The following RAD54L variants were observed in gnomAD, a reference collection of about 807,000 sequenced individuals.
The protein encoded by RAD54L is DNA repair and recombination protein RAD54-like.
RAD54L carries 74 observed loss-of-function variants against 91.6 expected under a neutral mutation model. That is an observed-to-expected ratio of 0.81 (90% confidence interval 0.67 to 0.98). The LOEUF is 0.98. RAD54L is among the 50% of genes least tolerant of loss of function. The probability of loss-of-function intolerance (pLI) is 0.00; values close to 1 mark genes in which losing one functional copy is unlikely to be tolerated. For synonymous variants in RAD54L, 304 were observed against 349.7 expected, an observed-to-expected ratio of 0.87 and a Z score of 1.46; for missense variants, 887 against 945.7, an observed-to-expected ratio of 0.94 and a Z score of 0.81.
Position 46,273,458 on chromosome 1 carries a change from G to T in RAD54L, c.1479G>T (p.Gln493His). 11 of 1,613,508 alleles carry T rather than the reference G, an allele frequency of 6.8e-6. No homozygotes were observed. The highest frequency in any genetic ancestry group is 9.3e-6 in the Non-Finnish European group (11 of 1,179,572). ...ACAGCTCTAAGGCCCTGGAGCCCCA[G>T]CTGTCAGGTGACCCTTTTCCTACCA... is the stretch of plus-strand genomic sequence containing the variant. ...PGYSSKALEP[Q>H]LSGKMLVLDY... The change falls in exon 13 of 18, where the codon CAG becomes CAT. Residue 493 changes from glutamine (Q) to histidine (H), a missense_variant. Transcript: ENST00000371975.
intron 2 of RAD54L, among the ~76,000 whole-genome samples, chr1:46,248,933 G>A (rs1453593753): frequency 6.6e-6 from 1 of 152,164 alleles, no homozygotes; most frequent in Non-Finnish European, 1.5e-5. Flanking sequence ...CCCCTGCCCA[G>A]TGTCACAGAA....
intron 4 of RAD54L, among the ~76,000 whole-genome samples, chr1:46,259,485 T>C (rs1051536842): frequency 6.6e-6 from 1 of 151,962 alleles, no homozygotes; most frequent in Non-Finnish European, 1.5e-5. Context: ...GCAGAAAAAT[T>C]CTGGGGGCTG....
chr1:46,267,499 C>T lies in RAD54L; in HGVS notation c.932C>T (p.Ala311Val), dbSNP rs1187117041. 1 of 1,614,106 alleles carries T rather than the reference C, an allele frequency of 6.2e-7. No homozygotes were observed. The highest frequency in any genetic ancestry group is 1.1e-5 in the South Asian group (1 of 91,082). Residue 311 changes from alanine (A) to valine (V), a missense_variant, in exon 9 of 18, where the codon GCC becomes GTC. By Grantham distance (64) the Ala-to-Val change is moderately conservative (BLOSUM62 0). Transcript: ENST00000371975. ...AACTCTGAGAATCAGACTTACCAAGCCCTGGACAGCTTGAACACCAGCCGG... is the reference window on the plus strand; with the variant it reads ...AACTCTGAGAATCAGACTTACCAAGTCCTGGACAGCTTGAACACCAGCCGG... ...LKNSENQTYQ[A>V]LDSLNTSRRV...
chr1:46,275,663 G>C (rs1660572905), intron 16 of RAD54L, among the ~76,000 whole-genome samples: 3 of 152,070 alleles, frequency 2.0e-5, no homozygotes, highest in Admixed American at 6.5e-5. Context: ...ACCATTTCAA[G>C]CATCTACCAT....
chr1:46,251,313 C>A (rs941917434), intron 3 of RAD54L, among the ~76,000 whole-genome samples: 2 of 151,894 alleles, frequency 1.3e-5, no homozygotes, highest in Admixed American at 6.6e-5. Context: ...AATCCGTCCC[C>A]AAAACAACAA....
At chr1:46,261,694 A>T (rs1475971351) in intron 8 of RAD54L, among the ~76,000 whole-genome samples, 4 of 152,210 alleles carry the variant, frequency 2.6e-5, no homozygotes, top group Admixed American at 1.3e-4. Context: ...TAGAGGATAT[A>T]AATCAGAAAG....
chr1:46,277,270 T>C (rs1329536235), intron 16 of RAD54L, among the ~76,000 whole-genome samples: 1 of 152,210 alleles, frequency 6.6e-6, no homozygotes, highest in Non-Finnish European at 1.5e-5. Flanking sequence ...ATCTACTCAT[T>C]TTCAAGATTG....
intron 16 of RAD54L, among the ~76,000 whole-genome samples, chr1:46,275,229 T>C (rs1339311720): frequency 6.6e-6 from 1 of 152,236 alleles, no homozygotes; most frequent in African/African-American, 2.4e-5. Context: ...CTGGCTGACG[T>C]TGAGGACCAT....
chr1:46,261,001 T>G lies in RAD54L; in HGVS notation c.752T>G (p.Ile251Arg), dbSNP rs1416960892. Residue 251 changes from isoleucine to arginine, a missense_variant, in exon 7 of 18, where the codon ATA becomes AGA. Coordinates refer to ENST00000371975, the MANE Select transcript of RAD54L (RefSeq NM_003579.4). ...LAIDGGSKDE[I>R]DQKLEGFMNQ... is the part of the protein sequence containing the mutation. The stretch of plus-strand genomic sequence containing the variant: ...ATCGATGGAGGATCTAAGGATGAAA[T>G]AGACCAAAAGCTGGGTACGGAGCCC... 1 of 1,613,392 alleles carries G rather than the reference T, an allele frequency of 6.2e-7. No individual in the cohort carries two copies. The highest frequency in any genetic ancestry group is 1.3e-5 in the African/African-American group (1 of 74,840).
intron 16 of RAD54L, among the ~76,000 whole-genome samples, chr1:46,276,448 A>G (rs1406585177): frequency 6.6e-6 from 1 of 152,176 alleles, no homozygotes; most frequent in Admixed American, 6.5e-5. Context: ...GGCATGAGCC[A>G]CCACACCTGG....
At position 46,265,955 on chromosome 1, in the gene RAD54L, G is replaced by A. The variant is rs1387771214; in HGVS notation, c.892-1504G>A. Among the ~76,000 whole-genome samples the A allele has an allele frequency of 3.3e-5, 5 of 152,134 alleles. No individual in the cohort carries two copies. Among genetic ancestry groups the A allele is most frequent in the Admixed American group, 6.6e-5 (1 of 15,262 alleles). ...CGTGTGGATTACAGAACAGAATACA[G>A]GTAAAGTGTTTAGTTAGTACCATGC... On this transcript the variant is annotated intron_variant, in intron 8 of 17. Transcript: ENST00000371975. This position sits in a 1 kb window ranked among gnomAD's most constrained non-coding sequence, Gnocchi z 4.8.
rs774717984 is a variant in RAD54L at position 46,270,707 on chromosome 1, G to A, written c.1091G>A (p.Gly364Asp). ...CATTTTGAATTGCCAATTTTGAAGG[G>A]TCGAGACGCTGCTGCTAGTGAGGCA... ...KKHFELPILK[G>D]RDAAASEADR... Residue 364 changes from glycine (G) to aspartate (D), a missense_variant, in exon 10 of 18, where the codon GGT (glycine) becomes GAT (aspartate). Gly to Asp is a moderately conservative substitution (Grantham distance 94, BLOSUM62 -1). Transcript: ENST00000371975. 1 of 1,614,210 alleles carries A rather than the reference G, an allele frequency of 6.2e-7. No homozygotes were observed. Among genetic ancestry groups the A allele is most frequent in the Admixed American group, 1.7e-5 (1 of 60,030 alleles).
rs1162693010 is a variant in RAD54L at position 46,272,025 on chromosome 1, CTTTTTTTTTTTTTTTTTTT to C, written c.1170-425_1170-407del. On this transcript the variant is annotated intron_variant, in intron 10 of 17. Coordinates refer to ENST00000371975, the MANE Select transcript of RAD54L (RefSeq NM_003579.4). ...GATGTGTTTGACATAGGTCTGATGA[CTTTTTTTTTTTTTTTTTTT>C]TTTTTTTTTTTTTTTGAGATGGAGT... 3.4e-3 allele frequency among the ~76,000 whole-genome samples: 139 copies of C among 41,172 alleles called. 6 individuals carry two copies. Among genetic ancestry groups the C allele is most frequent in the Non-Finnish European group, 2.8e-3 (70 of 24,892 alleles). 27.0% of individuals were successfully genotyped at this position (41,172 alleles called of 152,430 possible). A position where few individuals can be genotyped will look rare whatever the true frequency, so the allele number is the denominator to read the frequency against.
At chr1:46,259,240 C>T (rs1384983844) in intron 4 of RAD54L, among the ~76,000 whole-genome samples, 4 of 151,488 alleles carry the variant, frequency 2.6e-5, no homozygotes, top group African/African-American at 9.7e-5. Flanking sequence ...ATCTCGAACT[C>T]CTGGGCTCAA....
chr1:46,268,241 T>A (rs1227026287), intron 9 of RAD54L, among the ~76,000 whole-genome samples: 1 of 152,042 alleles, frequency 6.6e-6, no homozygotes, highest in Non-Finnish European at 1.5e-5. Flanking sequence ...TGGTGTGTGC[T>A]GGTGGTCCTA....
At chr1:46,273,256 A>G (rs1660488024) in intron 12 of RAD54L, 99 bp from the exon 13 acceptor site, 1 of 969,254 alleles carries the variant, frequency 1.0e-6, no homozygotes, top group Non-Finnish European at 1.7e-6. Context: ...GATGTTGAGG[A>G]AGGCCTTTTG....
intron 10 of RAD54L, among the ~76,000 whole-genome samples, chr1:46,271,527 G>A (rs1660425095): frequency 6.6e-6 from 1 of 152,078 alleles, no homozygotes; most frequent in African/African-American, 2.4e-5. Flanking sequence ...TGTGGTTGGG[G>A]TGCACCTGTA....
intron 4 of RAD54L, 139 bp downstream of exon 4, chr1:46,258,885 C>G: frequency 1.4e-6 from 1 of 710,126 alleles, no homozygotes; most frequent in South Asian, 1.6e-5. Context: ...TGGGGTGACC[C>G]TCCTGAGGCC....
intron 2 of RAD54L, 118 bp downstream of exon 2, chr1:46,248,716 A>G: frequency 2.3e-6 from 2 of 858,090 alleles, no homozygotes; most frequent in African/African-American, 1.7e-5. Flanking sequence ...TGTTCAATAA[A>G]CTTTTAGTGA....
Sources: gnomAD v4.1 joint callset for allele counts (sites outside exome capture counted in the v4.1 genomes callset) on GRCh38, gnomAD v4.1.1 for gene constraint, Gnocchi (gnomAD v3.1) non-coding constraint, MANE v1.5 for transcripts, NCBI Gene and HGNC (gene_info 2026-07-23, HGNC 2026-07-21) for gene names.